The following KIAA0319L variants were observed in gnomAD, a reference collection of about 807,000 sequenced individuals.
KIAA0319L encodes the protein dyslexia-associated protein KIAA0319-like protein.
KIAA0319L carries 55 observed loss-of-function variants against 120.1 expected under a neutral mutation model. The observed-to-expected ratio is 0.46, with a 90% CI of 0.37 to 0.57. The LOEUF (loss-of-function observed/expected upper bound fraction) is 0.57, where lower values mean the gene tolerates loss of function less well. KIAA0319L is among the 20% of genes least tolerant of loss of function. KIAA0319L has a pLI of 0.00. For missense variants in KIAA0319L, 1,049 were observed against 1,255.3 expected (o/e 0.84, Z 2.48); for synonymous variants, 398 against 471.9 (o/e 0.84, Z 2.03).
intron 7 of KIAA0319L, among the ~76,000 whole-genome samples, chr1:35,463,082 C>T (rs79548740): frequency 0.013 from 2,042 of 152,274 alleles, 47 homozygotes; most frequent in African/African-American, 0.047. Context: ...CTCACTCACC[C>T]GCCATTTACC....
At position 35,469,555 on chromosome 1, in the gene KIAA0319L, C is replaced by T. The variant is rs116317617; in HGVS notation, c.1113+1308G>A. On this transcript the variant is annotated intron_variant, in intron 6 of 20. Coordinates refer to ENST00000325722, the MANE Select transcript of KIAA0319L (RefSeq NM_024874.5). The stretch of plus-strand genomic sequence containing the variant: ...ATAAATTCCCCTTTCCCCACATTTT[C>T]GCTCCCATTTTTGGCCCAGTGGACA... Among the ~76,000 whole-genome samples the T allele has an allele frequency of 4.3e-3, 659 of 151,892 alleles. 6 individuals carry two copies. The highest frequency in any genetic ancestry group is 0.014 in the African/African-American group (593 of 41,446).
intron 17 of KIAA0319L, chr1:35,443,370 T>C: frequency 5.1e-6 from 1 of 197,938 alleles, no homozygotes; most frequent in Non-Finnish European, 1.0e-5. Flanking sequence ...TTAAACGTTT[T>C]TGAAATATTT....
chr1:35,435,812 C>A (rs542173298), intron 20 of KIAA0319L, among the ~76,000 whole-genome samples: 148 of 152,324 alleles, frequency 9.7e-4, no homozygotes, highest in Admixed American at 1.4e-3. Flanking sequence ...CGAGCGGCCA[C>A]AGACATGAAA....
chr1:35,447,132 G>GT (rs1372918898), intron 16 of KIAA0319L, among the ~76,000 whole-genome samples: 3 of 150,868 alleles, frequency 2.0e-5, no homozygotes, highest in East Asian at 1.9e-4. Flanking sequence ...CTTAATTCAG[G>GT]TTTTATTACC....
chr1:35,513,417 C>T (rs1263759749), intron 2 of KIAA0319L, among the ~76,000 whole-genome samples: 1 of 150,788 alleles, frequency 6.6e-6, no homozygotes. Flanking sequence ...AAGTTTGAGA[C>T]CAGCCCAGGC....
chr1:35,550,575 TA>T (rs1647163403), intron 2 of KIAA0319L, among the ~76,000 whole-genome samples: 1 of 152,192 alleles, frequency 6.6e-6, no homozygotes, highest in Non-Finnish European at 1.5e-5. Flanking sequence ...AAAAAATACA[TA>T]AATATTTAGT....
intron 3 of KIAA0319L, among the ~76,000 whole-genome samples, chr1:35,486,915 AAAC>A: frequency 6.6e-6 from 1 of 152,226 alleles, no homozygotes; most frequent in Non-Finnish European, 1.5e-5. Flanking sequence ...AAAAAAACAA[AAAC>A]AAAACAAACA....
At chr1:35,555,227 T>G (rs1337286901) in intron 1 of KIAA0319L, among the ~76,000 whole-genome samples, 1 of 152,216 alleles carries the variant, frequency 6.6e-6, no homozygotes, top group Non-Finnish European at 1.5e-5. Flanking sequence ...TTTGCTATAT[T>G]GTCTAAATTA....
chr1:35,501,650 G>C (rs144188306), intron 3 of KIAA0319L, among the ~76,000 whole-genome samples: 1,863 of 152,148 alleles, frequency 0.012, 44 homozygotes, highest in African/African-American at 0.043. Context: ...GCCGAGGCAG[G>C]CAGATCACCT....
rs536291629 is a variant in KIAA0319L at position 35,451,515 on chromosome 1, C to T, written c.2062+113G>A. On this transcript the variant is annotated intron_variant, in intron 13 of 20. Transcript: ENST00000325722. ...TAACAATTGCCCTCACCCCAACCCT[C>T]TTACCCACCTCTTGCTATCTCTAAT... The T allele has an allele frequency of 3.9e-4, 414 of 1,048,504 alleles. 7 individuals are homozygous for T. In the South Asian group the frequency reaches 5.6e-3, roughly 14 times the overall value. The allele number at this position is 1,048,504 out of a possible 1,614,324, so 65.0% of individuals were successfully genotyped here. A position where few individuals can be genotyped will look rare whatever the true frequency, so the allele number is the denominator to read the frequency against.
chr1:35,504,616 G>A (rs956304335), intron 3 of KIAA0319L, among the ~76,000 whole-genome samples: 1 of 152,150 alleles, frequency 6.6e-6, no homozygotes, highest in East Asian at 1.9e-4. Flanking sequence ...CAGGCTTTTA[G>A]TAGCTACATT....
chr1:35,485,662 C>T (rs1488009813), intron 3 of KIAA0319L, among the ~76,000 whole-genome samples: 1 of 152,190 alleles, frequency 6.6e-6, no homozygotes, highest in African/African-American at 2.4e-5. Flanking sequence ...GGCACTGCAA[C>T]CTTCAGCTAG....
intron 7 of KIAA0319L, among the ~76,000 whole-genome samples, chr1:35,466,353 T>C (rs1370519756): frequency 1.3e-5 from 2 of 152,148 alleles, no homozygotes; most frequent in Non-Finnish European, 2.9e-5. Context: ...CTTGAAGAAG[T>C]AGGTCTCGGT....
rs191744927 is a variant in KIAA0319L at position 35,477,713 on chromosome 1, C to G, written c.913+1253G>C. Among the ~76,000 whole-genome samples, 638 of 151,256 alleles carry G rather than the reference C, an allele frequency of 4.2e-3. 6 individuals carry two copies. The highest frequency in any genetic ancestry group is 0.014 in the African/African-American group (575 of 41,142). Reference sequence around the variant, plus strand: ...ACCTACAGTGAGATATCATCTCACCCCAGTTAAAATGGTTTTTATACAAAA... The same window carrying G: ...ACCTACAGTGAGATATCATCTCACCGCAGTTAAAATGGTTTTTATACAAAA... On this transcript the variant is annotated intron_variant, in intron 4 of 20. Coordinates refer to ENST00000325722, the MANE Select transcript of KIAA0319L (RefSeq NM_024874.5).
chr1:35,516,144 C>T (rs1645670388), intron 2 of KIAA0319L, among the ~76,000 whole-genome samples: 2 of 152,146 alleles, frequency 1.3e-5, no homozygotes, highest in African/African-American at 4.8e-5. Flanking sequence ...TGGTACCTTC[C>T]TACTAAAACT....
chr1:35,454,621 G>A, intron 10 of KIAA0319L, 136 bp from the exon 11 acceptor site: 1 of 1,435,956 alleles, frequency 7.0e-7, no homozygotes, highest in Non-Finnish European at 9.2e-7. Flanking sequence ...TACCAGTTCA[G>A]CATGTGAGTG....
chr1:35,543,115 TGA>T (rs1159978898), intron 2 of KIAA0319L, among the ~76,000 whole-genome samples: 8 of 152,258 alleles, frequency 5.3e-5, no homozygotes, highest in African/African-American at 1.9e-4. Context: ...TTAATTTCAC[TGA>T]GAGAGAGACC....
intron 3 of KIAA0319L, among the ~76,000 whole-genome samples, chr1:35,502,762 C>T (rs1219418588): frequency 2.0e-5 from 3 of 152,208 alleles, no homozygotes; most frequent in African/African-American, 7.2e-5. Flanking sequence ...AACTTGTCTA[C>T]TTCTGTAGCG....
intron 3 of KIAA0319L, among the ~76,000 whole-genome samples, chr1:35,483,608 C>T (rs1644257915): frequency 1.3e-5 from 2 of 152,170 alleles, no homozygotes; most frequent in Non-Finnish European, 2.9e-5. Flanking sequence ...AATACCACTG[C>T]CTTGATTACT....
Sources: gnomAD v4.1 joint callset for allele counts (sites outside exome capture counted in the v4.1 genomes callset) on GRCh38, gnomAD v4.1.1 for gene constraint, MANE v1.5 for transcripts, NCBI Gene and HGNC (gene_info 2026-07-23, HGNC 2026-07-21) for gene names.